The following SGPP2 variants were observed in gnomAD, a reference collection of about 807,000 sequenced individuals.
The protein encoded by SGPP2 is sphingosine-1-phosphate phosphatase 2, also known as sphingosine 1-phosphate phosphohydrolase 2.
Under a neutral mutation model 33.9 loss-of-function variants are expected in SGPP2, and 30 were observed. The ratio of observed to expected loss-of-function variants is 0.89; its 90% CI spans 0.66 to 1.20. The LOEUF is 1.20. Among genes scored for constraint, SGPP2 ranks in the 50% most tolerant of loss-of-function variants. The pLI is 0.00. For synonymous variants in SGPP2, 233 were observed against 225.0 expected (o/e 1.04, Z -0.32); for missense variants, 458 against 532.1 (o/e 0.86, Z 1.37).
chr2:222,426,209 CAAAA>C lies in SGPP2; in HGVS notation c.219+1410_219+1413del, dbSNP rs59881994. 9.0e-4 allele frequency among the ~76,000 whole-genome samples: 53 copies of C among 58,754 alleles called. 1 individual carries two copies. The highest frequency in any genetic ancestry group is 2.7e-3 in the African/African-American group (42 of 15,588). The allele number at this position is 58,754 out of a possible 152,430, so 38.5% of individuals were successfully genotyped here. ...AGGGCGACTGAGCGAGACTCCGTCT[CAAAA>C]AAAAAAAAAAAAAAAAAAAAAGACC... On this transcript the variant is annotated intron_variant, in intron 1 of 4. Transcript: ENST00000321276.
intron 1 of SGPP2, among the ~76,000 whole-genome samples, chr2:222,466,981 G>T (rs1272689590): frequency 6.6e-6 from 1 of 152,036 alleles, no homozygotes; most frequent in Non-Finnish European, 1.5e-5. Flanking sequence ...TTCCCCTCTG[G>T]TTTGTCACTG....
At chr2:222,496,276 C>A (rs925570769) in intron 2 of SGPP2, among the ~76,000 whole-genome samples, 11 of 152,370 alleles carry the variant, frequency 7.2e-5, no homozygotes, top group African/African-American at 2.4e-4. Context: ...GTCTTCACTT[C>A]TCAGTTTGAG....
intron 2 of SGPP2, among the ~76,000 whole-genome samples, chr2:222,512,642 T>C (rs1255293956): frequency 1.3e-5 from 2 of 152,158 alleles, no homozygotes; most frequent in Non-Finnish European, 2.9e-5. Context: ...CACCCCTCCC[T>C]CTCCTCAGTC....
intron 2 of SGPP2, among the ~76,000 whole-genome samples, chr2:222,506,098 A>G (rs1301661013): frequency 6.6e-6 from 1 of 152,224 alleles, no homozygotes; most frequent in African/African-American, 2.4e-5. Flanking sequence ...TGCTGCACCT[A>G]CTGTAATAAT....
chr2:222,494,698 A>G (rs969873205), intron 2 of SGPP2, among the ~76,000 whole-genome samples: 1 of 152,268 alleles, frequency 6.6e-6, no homozygotes, highest in Non-Finnish European at 1.5e-5. Context: ...AACCAAGAGC[A>G]TAAATTAACC....
At chr2:222,506,388 A>G (rs2106121815) in intron 2 of SGPP2, among the ~76,000 whole-genome samples, 1 of 152,328 alleles carries the variant, frequency 6.6e-6, no homozygotes, top group South Asian at 2.1e-4. Flanking sequence ...AAAAGCTATG[A>G]AATTACTTGA....
At chr2:222,462,224 T>C (rs1352550387) in intron 1 of SGPP2, among the ~76,000 whole-genome samples, 6 of 151,966 alleles carry the variant, frequency 3.9e-5, no homozygotes, top group Non-Finnish European at 5.9e-5. Context: ...ACACATATGC[T>C]TATTTGGTCA....
At chr2:222,548,309 A>G (rs1256038400) in intron 4 of SGPP2, among the ~76,000 whole-genome samples, 6 of 152,258 alleles carry the variant, frequency 3.9e-5, no homozygotes, top group Non-Finnish European at 7.3e-5. Context: ...ATAGAAAACC[A>G]TCTTCTGTTA....
At chr2:222,467,886 T>C (rs1167403398) in intron 1 of SGPP2, among the ~76,000 whole-genome samples, 1 of 137,386 alleles carries the variant, frequency 7.3e-6, no homozygotes, top group Non-Finnish European at 1.5e-5. Flanking sequence ...CCTGGCTCTG[T>C]TGAAGTGGTG....
At chr2:222,488,519 G>A (rs1297688693) in intron 2 of SGPP2, among the ~76,000 whole-genome samples, 1 of 152,188 alleles carries the variant, frequency 6.6e-6, no homozygotes, top group East Asian at 1.9e-4. Context: ...CCTATCTGCA[G>A]AAAAATTGTC....
rs113081037 is a variant in SGPP2 at position 222,527,422 on chromosome 2, C to T, written c.648+2389C>T. Among the ~76,000 whole-genome samples, 126 of 152,348 alleles carry T rather than the reference C, an allele frequency of 8.3e-4. 1 individual carries two copies. Among genetic ancestry groups the T allele is most frequent in the African/African-American group, 2.8e-3 (115 of 41,588 alleles). ...TCATCTGTCAGTGAACACTTGGGCTCACCTTTAGGCTACTGTGAATAAGGC... is the reference window on the plus strand; with the variant it reads ...TCATCTGTCAGTGAACACTTGGGCTTACCTTTAGGCTACTGTGAATAAGGC... On this transcript the variant is annotated intron_variant, in intron 4 of 4. Transcript: ENST00000321276.
chr2:222,495,169 C>T (rs1186921630), intron 2 of SGPP2, among the ~76,000 whole-genome samples: 2 of 152,104 alleles, frequency 1.3e-5, no homozygotes, highest in Non-Finnish European at 2.9e-5. Context: ...ATCCCAGCAC[C>T]TTGGGAGGCT....
chr2:222,452,297 T>A, intron 1 of SGPP2: 1 of 571,390 alleles, frequency 1.8e-6, no homozygotes, highest in Non-Finnish European at 3.2e-6. Context: ...CCAGAACATG[T>A]GGTTTCCAAA....
Position 222,439,264 on chromosome 2 carries a change from T to C in SGPP2, c.219+14443T>C, listed in dbSNP as rs574316697. On this transcript the variant is annotated intron_variant, in intron 1 of 4. Transcript: ENST00000321276. ...ACTGCATAAATTTTCGGTAATGTAA[T>C]GGGGTCCTTCCTCAAGGGGACCTGG... Among the ~76,000 whole-genome samples, 8 of 152,308 alleles carry C rather than the reference T, an allele frequency of 5.3e-5. No homozygotes were observed. The East Asian group carries it at 9.6e-4, about 18-fold the overall frequency.
rs569060514 is a variant in SGPP2, at chr2:222,558,608, G to A, written c.910G>A (p.Ala304Thr). ...TTTCTTCCAGCTTGTATCCAAGCCC[G>A]CTGAATCTCTCCCTGTTATTCAGAA... is the stretch of plus-strand genomic sequence containing the variant. ...NHFFQLVSKPAESLPVIQNIP... is the reference protein window; with the variant it reads ...NHFFQLVSKPTESLPVIQNIP... The change falls in exon 5 of 5, where the codon GCT becomes ACT. Residue 304 changes from alanine (A) to threonine (T), a missense_variant. Physicochemically the swap from Ala to Thr is moderately conservative, Grantham distance 58. Transcript: ENST00000321276. 1.3e-4 allele frequency: 203 copies of A among 1,614,186 alleles called. No homozygotes were observed. The highest frequency in any genetic ancestry group is 1.6e-4 in the Middle Eastern group (1 of 6,062).
chr2:222,515,330 T>C (rs910121424), intron 2 of SGPP2, among the ~76,000 whole-genome samples: 1 of 151,606 alleles, frequency 6.6e-6, no homozygotes, highest in Admixed American at 6.6e-5. Flanking sequence ...ATTGAACCAC[T>C]TTTTTTTTCT....
At chr2:222,529,675 G>A (rs1420213033) in intron 4 of SGPP2, among the ~76,000 whole-genome samples, 2 of 152,126 alleles carry the variant, frequency 1.3e-5, no homozygotes, top group Admixed American at 1.3e-4. Flanking sequence ...TTCCTCCATT[G>A]AAGTCGTAAC....
At chr2:222,492,558 A>G (rs1337668483) in intron 2 of SGPP2, among the ~76,000 whole-genome samples, 1 of 152,042 alleles carries the variant, frequency 6.6e-6, no homozygotes, top group Non-Finnish European at 1.5e-5. Context: ...TGCCCACTAA[A>G]CCGCTTTTTC....
rs1689476844 is a variant in SGPP2, at chr2:222,559,097, T to C, written c.*199T>C. ...GCGGTCATTGGTCGTCCGTGGTGGTTGGTTGTGCTACAGTTGAACCCAGGC... is the reference window on the plus strand; with the variant it reads ...GCGGTCATTGGTCGTCCGTGGTGGTCGGTTGTGCTACAGTTGAACCCAGGC... On this transcript the variant is annotated 3_prime_UTR_variant, in exon 5 of 5. Transcript: ENST00000321276. 4 of 532,682 alleles carry C rather than the reference T, an allele frequency of 7.5e-6. No individual in the cohort carries two copies. The highest frequency in any genetic ancestry group is 3.2e-5 in the Admixed American group (1 of 31,490). The allele number at this position is 532,682 out of a possible 1,614,324, so 33.0% of individuals were successfully genotyped here. A position where few individuals can be genotyped will look rare whatever the true frequency, so the allele number is the denominator to read the frequency against.
Sources: allele counts gnomAD v4.1 joint callset (sites outside exome capture counted in the v4.1 genomes callset), GRCh38; gene constraint gnomAD v4.1.1; transcripts MANE v1.5; gene names NCBI Gene and HGNC (gene_info 2026-07-23, HGNC 2026-07-21).